The following ZC3H7B variants were observed in gnomAD, a reference collection of about 807,000 sequenced individuals.
The protein encoded by ZC3H7B is zinc finger CCCH domain-containing protein 7B.
In ZC3H7B, 35 loss-of-function variants were observed where a neutral mutation model predicts 116.0. The ratio of observed to expected loss-of-function variants is 0.30; its 90% CI spans 0.23 to 0.40. ZC3H7B has a LOEUF of 0.40. Among genes scored for constraint, ZC3H7B ranks in the 10% least tolerant of loss-of-function variants. The pLI is 1.00. For synonymous variants in ZC3H7B, 502 were observed against 545.6 expected, an observed-to-expected ratio of 0.92 and a Z score of 1.11; for missense variants, 1,011 against 1,321.5, an observed-to-expected ratio of 0.77 and a Z score of 3.64.
intron 2 of ZC3H7B, among the ~76,000 whole-genome samples, chr22:41,321,019 A>T (rs888386590): frequency 6.6e-6 from 1 of 152,058 alleles, no homozygotes; most frequent in African/African-American, 2.4e-5. Context: ...GAGTTTTCTG[A>T]TAAATCAATG....
rs775048830 is a variant in ZC3H7B at position 41,356,413 on chromosome 22, C to A, written c.2454C>A (p.Thr818=). The stretch of plus-strand genomic sequence containing the variant: ...ACCCAGGAAAGCCTGGAGAAGGGAC[C>A]CCCATCAGTTCTCGGGAAGGGGAGA... ...KHNPGKPGEG[T]PISSREGEKQ... Residue 818 remains threonine, a synonymous_variant, in exon 21 of 23, where the codon ACC becomes ACA. Coordinates refer to ENST00000352645, the MANE Select transcript of ZC3H7B (RefSeq NM_017590.6). The A allele has an allele frequency of 6.2e-7, 1 of 1,614,142 alleles. No homozygotes were observed. The highest frequency in any genetic ancestry group is 8.5e-7 in the Non-Finnish European group (1 of 1,180,034).
intron 14 of ZC3H7B, 97 bp from the exon 15 acceptor site, chr22:41,347,970 G>C: frequency 9.7e-7 from 1 of 1,030,512 alleles, no homozygotes; most frequent in Non-Finnish European, 1.5e-6. Flanking sequence ...GGCTTGCAGG[G>C]ACCCAGCTGT....
intron 13 of ZC3H7B, among the ~76,000 whole-genome samples, chr22:41,345,440 C>G (rs2036572226): frequency 6.6e-6 from 1 of 152,040 alleles, no homozygotes; most frequent in African/African-American, 2.4e-5. Context: ...ACAAAATTAG[C>G]CGGGCGTGGT....
chr22:41,306,688 C>G (rs768668468), intron 1 of ZC3H7B, among the ~76,000 whole-genome samples: 23 of 152,112 alleles, frequency 1.5e-4, no homozygotes, highest in African/African-American at 5.3e-4. Context: ...ATTCTTTCAA[C>G]AGCCCTAGAG....
At chr22:41,317,116 G>A (rs1601767169) in intron 1 of ZC3H7B, among the ~76,000 whole-genome samples, 1 of 152,206 alleles carries the variant, frequency 6.6e-6, no homozygotes, top group East Asian at 1.9e-4. Context: ...GGGATTACAG[G>A]CGTGAGCCAC....
At chr22:41,344,178 C>T (rs113871760) in intron 13 of ZC3H7B, among the ~76,000 whole-genome samples, 1 of 152,210 alleles carries the variant, frequency 6.6e-6, no homozygotes, top group African/African-American at 2.4e-5. Flanking sequence ...CCTTTCATTT[C>T]ACCAGCATGC....
chr22:41,353,703 G>T (rs1377386493), intron 17 of ZC3H7B, among the ~76,000 whole-genome samples: 1 of 152,252 alleles, frequency 6.6e-6, no homozygotes, highest in Non-Finnish European at 1.5e-5. Flanking sequence ...AGCAGGGCAG[G>T]CTGCCGGGGG....
chr22:41,341,264 C>T (rs2036519429), intron 11 of ZC3H7B, 118 bp downstream of exon 11: 7 of 1,216,932 alleles, frequency 5.8e-6, no homozygotes, highest in Non-Finnish European at 5.8e-6. Context: ...CGGCGGGGCA[C>T]TCCCAGAGTG....
At position 41,339,103 on chromosome 22, in the gene ZC3H7B, G is replaced by A. The variant is rs1441890304; in HGVS notation, c.728G>A (p.Ser243Asn). The A allele has an allele frequency of 6.2e-7, 1 of 1,612,616 alleles. No homozygotes were observed. Among genetic ancestry groups the A allele is most frequent in the African/African-American group, 1.3e-5 (1 of 74,866 alleles). ...VLDLLAPLDS[S>N]RTLPSTDSLD... ...GACCTGCTGGCCCCCCTGGACAGCA[G>A]CAGGACCCTCCCCAGCACCGACAGC... The change falls in exon 9 of 23, where the codon AGC (serine) becomes AAC (asparagine). Residue 243 changes from serine (S) to asparagine (N), a missense_variant. By Grantham distance (46) the Ser-to-Asn change is conservative (BLOSUM62 1). Coordinates refer to ENST00000352645, the MANE Select transcript of ZC3H7B (RefSeq NM_017590.6).
Position 41,351,055 on chromosome 22 carries a change from A to G in ZC3H7B, c.1949-506A>G, listed in dbSNP as rs1038767433. ...GGCGGGGAGACAGACTGGAGAGTCC[A>G]TGCCACCAGGCTGGGGTATTTGCCC... On this transcript the variant is annotated intron_variant, in intron 16 of 22. Transcript: ENST00000352645. This position sits in a 1 kb window ranked among gnomAD's most constrained non-coding sequence, Gnocchi z 5.1. Among the ~76,000 whole-genome samples the G allele has an allele frequency of 4.6e-5, 7 of 152,250 alleles. No individual in the cohort carries two copies. The highest frequency in any genetic ancestry group is 1.7e-4 in the African/African-American group (7 of 41,470).
intron 1 of ZC3H7B, among the ~76,000 whole-genome samples, chr22:41,318,992 G>A (rs1458541261): frequency 3.3e-5 from 5 of 152,190 alleles, no homozygotes; most frequent in African/African-American, 1.2e-4. Flanking sequence ...AAGTGAGCCA[G>A]GCGCAGTGGC....
intron 1 of ZC3H7B, among the ~76,000 whole-genome samples, chr22:41,307,102 T>C (rs2145894285): frequency 6.6e-6 from 1 of 151,648 alleles, no homozygotes; most frequent in South Asian, 2.1e-4. Flanking sequence ...GCCTCCTGAG[T>C]AGCTGGGATT....
At position 41,358,281 on chromosome 22, in the gene ZC3H7B, T is replaced by C. The variant is rs2036746759; in HGVS notation, c.*852T>C. 1.3e-5 allele frequency: 2 copies of C among 152,014 alleles called. No homozygotes were observed. Among genetic ancestry groups the C allele is most frequent in the Admixed American group, 6.6e-5 (1 of 15,260 alleles). 9.4% of individuals were successfully genotyped at this position (152,014 alleles called of 1,614,324 possible). On this transcript the variant is annotated 3_prime_UTR_variant, in exon 23 of 23. Coordinates refer to ENST00000352645, the MANE Select transcript of ZC3H7B (RefSeq NM_017590.6). ...CCCTCAGCAGGGATGCGATGGTCTC[T>C]GAATCAGTGTGCAGCTGGGGTCCCA... is the stretch of plus-strand genomic sequence containing the variant.
intron 4 of ZC3H7B, 96 bp downstream of exon 4, chr22:41,326,014 A>G (rs1198510156): frequency 1.4e-6 from 2 of 1,390,962 alleles, no homozygotes; most frequent in African/African-American, 1.4e-5. Flanking sequence ...CCTGTAGACC[A>G]GGGCCAGCCT....
chr22:41,355,353 C>T lies in ZC3H7B; in HGVS notation c.2035-116C>T, dbSNP rs578150716. ...GGGAGGTCACTGCCTGCCAGGAAGA[C>T]CTGGGAGCAGACCAGCTTATTCCAA... On this transcript the variant is annotated intron_variant, in intron 17 of 22. Transcript: ENST00000352645. 8.4e-6 allele frequency: 12 copies of T among 1,435,386 alleles called. No homozygotes were observed. In the African/African-American group the frequency reaches 8.6e-5, roughly 10 times the overall value. 88.9% of individuals were successfully genotyped at this position (1,435,386 alleles called of 1,614,324 possible). A position where few individuals can be genotyped will look rare whatever the true frequency, so the allele number is the denominator to read the frequency against.
At position 41,343,520 on chromosome 22, in the gene ZC3H7B, G is replaced by A. The variant is rs780582712; in HGVS notation, c.1403G>A (p.Arg468Gln). 1.9e-5 allele frequency: 30 copies of A among 1,613,306 alleles called. No homozygotes were observed. The highest frequency in any genetic ancestry group is 3.3e-5 in the South Asian group (3 of 91,030). The change falls in exon 13 of 23, where the codon CGG becomes CAG. Residue 468 changes from arginine (R) to glutamine (Q), a missense_variant. Transcript: ENST00000352645. ...LRSSEDQTWK[R>Q]IRPRPTKTSF... ...AGCTCGGAGGACCAGACCTGGAAGC[G>A]GATCCGGCCCCGGCCCACTAAGACC...
At chr22:41,329,254 TA>T (rs1280862162) in intron 5 of ZC3H7B, among the ~76,000 whole-genome samples, 1 of 132,600 alleles carries the variant, frequency 7.5e-6, no homozygotes, top group East Asian at 2.4e-4. Flanking sequence ...AAAACAAAAC[TA>T]AGCTTTTTTT....
chr22:41,316,665 C>T (rs1194757816), intron 1 of ZC3H7B, among the ~76,000 whole-genome samples: 1 of 136,370 alleles, frequency 7.3e-6, no homozygotes, highest in East Asian at 2.2e-4. Context: ...GTGGCACGAT[C>T]ACGGTTCACT....
chr22:41,305,965 TAGA>T (rs935234619), intron 1 of ZC3H7B, among the ~76,000 whole-genome samples: 1 of 151,970 alleles, frequency 6.6e-6, no homozygotes, highest in African/African-American at 2.4e-5. Context: ...TGCCCAAGAG[TAGA>T]AGATCTTCCT....
Sources: allele counts gnomAD v4.1 joint callset (sites outside exome capture counted in the v4.1 genomes callset), GRCh38; gene constraint gnomAD v4.1.1; non-coding constraint Gnocchi (gnomAD v3.1); transcripts MANE v1.5; gene names NCBI Gene and HGNC (gene_info 2026-07-23, HGNC 2026-07-21).